Variants in MYO1E observed in about 807,000 individuals in gnomAD.
MYO1E encodes the protein myosin IE.
MYO1E carries 68 observed loss-of-function variants against 151.1 expected under a neutral mutation model. That is an observed-to-expected ratio of 0.45 (90% confidence interval 0.37 to 0.55). The LOEUF (loss-of-function observed/expected upper bound fraction) is 0.55. Among genes scored for constraint, MYO1E ranks in the 20% least tolerant of loss-of-function variants. The pLI is 0.00. For missense variants in MYO1E, 1,363 were observed against 1,389.3 expected (o/e 0.98, Z 0.30); for synonymous variants, 601 against 501.7 (o/e 1.20, Z -2.64).
intron 26 of MYO1E, among the ~76,000 whole-genome samples, chr15:59,150,848 G>A (rs778217265): frequency 3.9e-5 from 6 of 152,072 alleles, no homozygotes; most frequent in Admixed American, 1.3e-4. Context: ...AATCAGAAAC[G>A]CGGAAAGTGG....
chr15:59,188,815 T>C (rs1177725770), intron 17 of MYO1E, among the ~76,000 whole-genome samples: 3 of 152,182 alleles, frequency 2.0e-5, no homozygotes, highest in East Asian at 3.8e-4. Context: ...ACCTAGAGTA[T>C]GAACAAAAAT....
At chr15:59,153,863 C>G in intron 25 of MYO1E, 72 bp from the exon 26 acceptor site, 1 of 1,383,984 alleles carries the variant, frequency 7.2e-7, no homozygotes, top group East Asian at 2.3e-5. Flanking sequence ...CTCCACATTT[C>G]TTCCATGTAC....
At chr15:59,138,125 C>T (rs2079384428) in intron 27 of MYO1E, 73 bp downstream of exon 27, 1 of 1,565,646 alleles carries the variant, frequency 6.4e-7, no homozygotes, top group African/African-American at 1.4e-5. Flanking sequence ...TTTTCATTTT[C>T]ACACTAGATC....
chr15:59,161,828 T>C (rs1435259933), intron 23 of MYO1E, among the ~76,000 whole-genome samples: 1 of 152,228 alleles, frequency 6.6e-6, no homozygotes, highest in Non-Finnish European at 1.5e-5. Flanking sequence ...ATATTGCATA[T>C]ATGCCTGTAT....
intron 2 of MYO1E, among the ~76,000 whole-genome samples, chr15:59,268,720 A>ATTTTTTTTTTTTATTTTTTTTT (rs2080271715): frequency 4.5e-5 from 2 of 44,906 alleles, no homozygotes; most frequent in Non-Finnish European, 9.8e-5. Flanking sequence ...TGACTTTGGT[A>ATTTTTTTTTTTTATTTTTTTTT]TTTTTTTTTT....
intron 22 of MYO1E, among the ~76,000 whole-genome samples, chr15:59,170,444 C>T (rs1413064875): frequency 6.6e-6 from 1 of 152,208 alleles, no homozygotes; most frequent in Admixed American, 6.5e-5. Context: ...CAGGAGCTTC[C>T]TGTTGGGTTT....
intron 27 of MYO1E, among the ~76,000 whole-genome samples, 154 bp downstream of exon 27, chr15:59,138,044 G>C (rs1020850007): frequency 6.6e-6 from 1 of 152,088 alleles, no homozygotes; most frequent in African/African-American, 2.4e-5. Context: ...AAAAAAGCTG[G>C]TGTCTTGATC....
rs11858347 is a variant in MYO1E, at chr15:59,163,321, A to C, written c.2481-18T>G. The C allele has an allele frequency of 0.1, 163,876 of 1,609,854 alleles. 8,755 individuals carry two copies. The highest frequency in any genetic ancestry group is 0.14 in the Admixed American group (8,161 of 59,978). On this transcript the variant is annotated intron_variant, in intron 22 of 27. Coordinates refer to ENST00000288235, the MANE Select transcript of MYO1E (RefSeq NM_004998.4). ...GCATAGTACTGTAAAGAGATTGGACAAACACACTTGGTGAAAGCTGTGCTT... is the reference window on the plus strand; with the variant it reads ...GCATAGTACTGTAAAGAGATTGGACCAACACACTTGGTGAAAGCTGTGCTT...
At chr15:59,274,862 T>C (rs1172252309) in intron 1 of MYO1E, among the ~76,000 whole-genome samples, 2 of 152,150 alleles carry the variant, frequency 1.3e-5, no homozygotes, top group African/African-American at 4.8e-5. Flanking sequence ...TTCTCATAGT[T>C]CCAAGTATCA....
intron 1 of MYO1E, among the ~76,000 whole-genome samples, chr15:59,339,968 C>G (rs2080754137): frequency 6.6e-6 from 1 of 151,962 alleles, no homozygotes. Context: ...CTGTCTCAGC[C>G]TCCCTAGTAG....
intron 25 of MYO1E, among the ~76,000 whole-genome samples, chr15:59,154,066 G>C (rs1337555371): frequency 6.6e-6 from 1 of 152,174 alleles, no homozygotes; most frequent in Non-Finnish European, 1.5e-5. Flanking sequence ...CAACTTCCCG[G>C]GATGTGCCCG....
At chr15:59,330,993 C>G (rs575582162) in intron 1 of MYO1E, among the ~76,000 whole-genome samples, 214 of 152,272 alleles carry the variant, frequency 1.4e-3, no homozygotes, top group Middle Eastern at 6.8e-3. Flanking sequence ...TGCTCTCGAA[C>G]TCCTGGGCTC....
At chr15:59,190,863 C>G (rs766247038) in intron 17 of MYO1E, among the ~76,000 whole-genome samples, 2 of 152,150 alleles carry the variant, frequency 1.3e-5, no homozygotes, top group African/African-American at 4.8e-5. Context: ...CACAGGGATT[C>G]TCAGGAGCAC....
At chr15:59,321,336 C>T (rs1567013989) in intron 1 of MYO1E, among the ~76,000 whole-genome samples, 1 of 152,170 alleles carries the variant, frequency 6.6e-6, no homozygotes, top group South Asian at 2.1e-4. Context: ...ACTGGGTATA[C>T]ATCGAAAAGA....
chr15:59,175,243 T>C (rs1285878738), intron 19 of MYO1E, among the ~76,000 whole-genome samples: 1 of 152,174 alleles, frequency 6.6e-6, no homozygotes, highest in Non-Finnish European at 1.5e-5. Flanking sequence ...ACTTGTAAAA[T>C]AGTAGGAAAC....
chr15:59,215,464 C>G (rs537880795), intron 10 of MYO1E, among the ~76,000 whole-genome samples: 51 of 152,210 alleles, frequency 3.4e-4, no homozygotes, highest in African/African-American at 1.2e-3. Flanking sequence ...ATGCCTAAAT[C>G]TGTGTTCTTA....
intron 1 of MYO1E, among the ~76,000 whole-genome samples, chr15:59,281,131 T>C (rs1332513064): frequency 6.6e-6 from 1 of 152,222 alleles, no homozygotes; most frequent in African/African-American, 2.4e-5. Context: ...TTCAAGTTTG[T>C]ATCTCTTTCA....
chr15:59,227,505 A>G lies in MYO1E; in HGVS notation c.596T>C (p.Val199Ala). The G allele has an allele frequency of 6.2e-7, 1 of 1,614,064 alleles. No individual in the cohort carries two copies. The highest frequency in any genetic ancestry group is 2.2e-5 in the East Asian group (1 of 44,872). The part of the protein sequence containing the change: ...ISNFLLEKSR[V>A]VMRNPGERSF... ...CCGCTCTCCTGGGTTCCTCATCACC[A>G]CCCTAGATTTTTCCAGAAGGAAGTT... is the stretch of plus-strand genomic sequence containing the variant. Residue 199 changes from valine (V) to alanine (A), a missense_variant, in exon 7 of 28, where the codon GTG becomes GCG. Transcript: ENST00000288235.
chr15:59,338,107 G>A (rs1018136167), intron 1 of MYO1E, among the ~76,000 whole-genome samples: 1 of 151,458 alleles, frequency 6.6e-6, no homozygotes, highest in Non-Finnish European at 1.5e-5. Flanking sequence ...AACTAAAGTG[G>A]CCCTATATTG....
Sources: gnomAD v4.1 joint callset for allele counts (sites outside exome capture counted in the v4.1 genomes callset) on GRCh38, gnomAD v4.1.1 for gene constraint, MANE v1.5 for transcripts, NCBI Gene and HGNC (gene_info 2026-07-23, HGNC 2026-07-21) for gene names.